Variants in ZNF415 observed in about 807,000 individuals in gnomAD.
The protein encoded by ZNF415 is zinc finger protein 415.
Under a neutral mutation model 7.3 loss-of-function variants are expected in ZNF415, and 5 were observed. That is an observed-to-expected ratio of 0.69 (90% CI 0.36 to 1.44). The LOEUF (loss-of-function observed/expected upper bound fraction) is 1.44. ZNF415 is among the 40% of genes most tolerant of loss of function. ZNF415 has a pLI of 0.04. For missense variants in ZNF415, 628 were observed against 664.8 expected, an observed-to-expected ratio of 0.94 and a Z score of 0.61; for synonymous variants, 207 against 226.3, an observed-to-expected ratio of 0.91 and a Z score of 0.77.
In ZNF415 at chr19:53,108,541, C is replaced by A. The variant is rs2085716463; in HGVS notation, c.1504G>T (p.Gly502Cys). 6.2e-7 allele frequency: 1 copy of A among 1,614,104 alleles called. No individual in the cohort carries two copies. The highest frequency in any genetic ancestry group is 8.5e-7 in the Non-Finnish European group (1 of 1,179,956). The part of the protein sequence containing the change: ...GEKPYKCNEC[G>C]KSFSVRPNLT... ...TTTGGGCGCACACTAAAGGATTTGC[C>A]ACACTCATTACATTTGTAAGGTTTT... The change falls in exon 4 of 4, where the codon GGC (glycine) becomes TGC (cysteine). Residue 502 changes from glycine (G) to cysteine (C), a missense_variant. Transcript: ENST00000243643.
intron 3 of ZNF415, among the ~76,000 whole-genome samples, chr19:53,113,042 T>C (rs1261863776): frequency 6.7e-6 from 1 of 150,140 alleles, no homozygotes; most frequent in Non-Finnish European, 1.5e-5. Context: ...GCTGAGATTG[T>C]GCCATTGTAT....
chr19:53,110,869 C>G (rs1333902386), intron 3 of ZNF415, among the ~76,000 whole-genome samples: 1 of 152,132 alleles, frequency 6.6e-6, no homozygotes, highest in East Asian at 1.9e-4. Context: ...TAACAAACAG[C>G]CAGTCAATAA....
intron 1 of ZNF415, among the ~76,000 whole-genome samples, chr19:53,129,355 T>G (rs1051130953): frequency 6.6e-6 from 1 of 152,160 alleles, no homozygotes; most frequent in Non-Finnish European, 1.5e-5. Flanking sequence ...TGCCAGGGAC[T>G]GACGTGACCT....
chr19:53,132,158 T>C (rs1300086696), intron 1 of ZNF415, among the ~76,000 whole-genome samples: 3 of 152,224 alleles, frequency 2.0e-5, no homozygotes, highest in East Asian at 3.8e-4. Context: ...TCTCTAACCA[T>C]CCTCTACTTT....
At chr19:53,129,038 T>G (rs552527418) in intron 1 of ZNF415, among the ~76,000 whole-genome samples, 1 of 150,632 alleles carries the variant, frequency 6.6e-6, no homozygotes, top group East Asian at 2.0e-4. Context: ...AGAGAGAATT[T>G]CAGATGGGGG....
intron 3 of ZNF415, among the ~76,000 whole-genome samples, chr19:53,111,379 G>A (rs989938616): frequency 2.3e-5 from 2 of 87,740 alleles, no homozygotes; most frequent in Non-Finnish European, 2.1e-5. Context: ...AGTTTCTCTT[G>A]TCACCCAGGC....
At chr19:53,132,397 A>AGCAGCGGGGCCC (rs1601385026) in intron 1 of ZNF415, among the ~76,000 whole-genome samples, 1 of 152,064 alleles carries the variant, frequency 6.6e-6, no homozygotes, top group East Asian at 2.0e-4. Flanking sequence ...AGGCCTGGGG[A>AGCAGCGGGGCCC]GCAGCGGGGC....
chr19:53,128,538 G>A (rs1350984616), intron 1 of ZNF415, among the ~76,000 whole-genome samples: 1 of 117,236 alleles, frequency 8.5e-6, no homozygotes, highest in African/African-American at 2.9e-5. Flanking sequence ...ACCCCTGACT[G>A]TGAGCGCATC....
chr19:53,121,366 C>T (rs1334686457), intron 2 of ZNF415, among the ~76,000 whole-genome samples: 2 of 145,378 alleles, frequency 1.4e-5, no homozygotes, highest in East Asian at 2.0e-4. Flanking sequence ...GCATGGGCGA[C>T]AGACTGAGAC....
intron 1 of ZNF415, among the ~76,000 whole-genome samples, chr19:53,127,867 C>A (rs1239801610): frequency 2.2e-5 from 3 of 133,912 alleles, no homozygotes; most frequent in African/African-American, 8.8e-5. Flanking sequence ...CAGAGCGAGA[C>A]ACCGTCTCAA....
In ZNF415 at chr19:53,108,364, A is replaced by C. The variant is rs757554565; in HGVS notation, c.*13T>G. On this transcript the variant is annotated 3_prime_UTR_variant, in exon 4 of 4. Coordinates refer to ENST00000243643, the MANE Select transcript of ZNF415 (RefSeq NM_018355.4). ...CTCACAGGATTTAAACTTTGACTGA[A>C]GACCTTGCCATATTAATTTCTTTTA... The C allele has an allele frequency of 2.5e-6, 4 of 1,582,400 alleles. No homozygotes were observed. Among genetic ancestry groups the C allele is most frequent in the South Asian group, 2.3e-5 (2 of 85,672 alleles).
chr19:53,124,724 G>A (rs191283166), intron 1 of ZNF415, among the ~76,000 whole-genome samples: 13 of 152,286 alleles, frequency 8.5e-5, no homozygotes, highest in Admixed American at 8.5e-4. Context: ...TGAGACAGGT[G>A]GGTGGGTAAG....
Position 53,108,150 on chromosome 19 carries a change from A to G in ZNF415, c.*227T>C, listed in dbSNP as rs1349264998. On this transcript the variant is annotated 3_prime_UTR_variant, in exon 4 of 4. Coordinates refer to ENST00000243643, the MANE Select transcript of ZNF415 (RefSeq NM_018355.4). ...GCCTCTGCCACACAGTTAGGTGTATATGATTTCTCTTTAGCATGGACTCTG... is the reference window on the plus strand; with the variant it reads ...GCCTCTGCCACACAGTTAGGTGTATGTGATTTCTCTTTAGCATGGACTCTG... 3 of 545,010 alleles carry G rather than the reference A, an allele frequency of 5.5e-6. No homozygotes were observed. The highest frequency in any genetic ancestry group is 9.6e-6 in the Non-Finnish European group (3 of 313,860). 33.8% of individuals were successfully genotyped at this position (545,010 alleles called of 1,614,324 possible).
chr19:53,114,707 G>A (rs2086742045), intron 3 of ZNF415, among the ~76,000 whole-genome samples: 1 of 152,142 alleles, frequency 6.6e-6, no homozygotes, highest in Admixed American at 6.5e-5. Flanking sequence ...GGGGATCCCA[G>A]TGAAGACCTG....
At chr19:53,121,329 G>A (rs766030141) in intron 2 of ZNF415, among the ~76,000 whole-genome samples, 21 of 145,040 alleles carry the variant, frequency 1.4e-4, no homozygotes, top group Non-Finnish European at 2.9e-4. Flanking sequence ...AGGTTGCAGT[G>A]AGCCAAGATC....
intron 2 of ZNF415, among the ~76,000 whole-genome samples, chr19:53,120,329 C>T (rs2087792776): frequency 6.6e-6 from 1 of 152,090 alleles, no homozygotes. Context: ...ATCCTTGTTC[C>T]TTAATACGAA....
At chr19:53,120,957 G>A (rs1466833726) in intron 2 of ZNF415, among the ~76,000 whole-genome samples, 1 of 151,556 alleles carries the variant, frequency 6.6e-6, no homozygotes, top group Non-Finnish European at 1.5e-5. Context: ...GGTGGCGCGT[G>A]CCTGTAATCC....
intron 1 of ZNF415, 60 bp downstream of exon 1, chr19:53,132,796 A>T (rs372721619): frequency 6.6e-6 from 1 of 152,452 alleles, no homozygotes. Flanking sequence ...GACCCTGGAC[A>T]TCGGCTGTGG....
intron 3 of ZNF415, among the ~76,000 whole-genome samples, chr19:53,112,267 G>A (rs545871731): frequency 1.3e-5 from 2 of 152,292 alleles, no homozygotes; most frequent in Non-Finnish European, 2.9e-5. Context: ...TTAAGCACAT[G>A]TCCACCCACA....
Sources: gnomAD v4.1 joint callset for allele counts (sites outside exome capture counted in the v4.1 genomes callset) on GRCh38, gnomAD v4.1.1 for gene constraint, MANE v1.5 for transcripts, NCBI Gene and HGNC (gene_info 2026-07-23, HGNC 2026-07-21) for gene names.